Variants in L3MBTL3 observed in about 807,000 individuals in gnomAD.
The protein encoded by L3MBTL3 is L3MBTL histone methyl-lysine binding protein 3, also known as lethal(3)malignant brain tumor-like protein 3.
Under a neutral mutation model 102.3 loss-of-function variants are expected in L3MBTL3, and 27 were observed. That is an observed-to-expected ratio of 0.26 (90% CI 0.19 to 0.36). L3MBTL3 has a LOEUF of 0.36. Ranked by LOEUF, L3MBTL3 falls within the 10% of genes least tolerant of loss-of-function variation. The pLI is 1.00. For synonymous variants in L3MBTL3, 340 were observed against 320.9 expected (o/e 1.06, Z -0.64); for missense variants, 798 against 955.3 (o/e 0.84, Z 2.17).
chr6:130,037,547 T>C (rs1339680435), intron 2 of L3MBTL3, among the ~76,000 whole-genome samples: 1 of 152,196 alleles, frequency 6.6e-6, no homozygotes, highest in Non-Finnish European at 1.5e-5. Context: ...ATTTCTATTA[T>C]TGATTAGATT....
At chr6:130,113,203 C>T (rs765287854) in intron 19 of L3MBTL3, among the ~76,000 whole-genome samples, 8 of 152,124 alleles carry the variant, frequency 5.3e-5, no homozygotes, top group East Asian at 1.9e-4. Context: ...GCACTGCTCC[C>T]GGAGGTACTC....
At chr6:130,062,211 G>A (rs1458098296) in intron 10 of L3MBTL3, among the ~76,000 whole-genome samples, 4 of 152,146 alleles carry the variant, frequency 2.6e-5, no homozygotes, top group Non-Finnish European at 4.4e-5. Flanking sequence ...GTGTAAGAGT[G>A]CATATTAATA....
In L3MBTL3 at chr6:130,076,131, T is replaced by C. The variant is rs373163492; in HGVS notation, c.1245-2427T>C. Among the ~76,000 whole-genome samples the C allele has an allele frequency of 4.6e-5, 7 of 152,240 alleles. No homozygotes were observed. In the East Asian group the frequency reaches 5.8e-4, roughly 13 times the overall value. ...GGAGAGTTGGGTACTGAGTAATAAA[T>C]TGGTAGAGTCATCATGGTCTGTGTT... On this transcript the variant is annotated intron_variant, in intron 13 of 22. Coordinates refer to ENST00000361794, the MANE Select transcript of L3MBTL3 (RefSeq NM_032438.4).
intron 1 of L3MBTL3, among the ~76,000 whole-genome samples, chr6:130,019,816 C>T (rs1482497449): frequency 6.7e-6 from 1 of 149,324 alleles, no homozygotes; most frequent in African/African-American, 2.4e-5. Context: ...CAGGAAAGTG[C>T]TTTGGGAAGC....
intron 10 of L3MBTL3, among the ~76,000 whole-genome samples, chr6:130,062,129 A>T (rs1036858871): frequency 6.6e-6 from 1 of 152,122 alleles, no homozygotes; most frequent in Non-Finnish European, 1.5e-5. Flanking sequence ...GTTTTTGCAG[A>T]TTTATTTTAC....
chr6:130,047,834 T>G (rs1159163353), intron 3 of L3MBTL3, among the ~76,000 whole-genome samples: 1 of 152,222 alleles, frequency 6.6e-6, no homozygotes, highest in African/African-American at 2.4e-5. Context: ...TTTTAAAGAT[T>G]TCTTTTTCTA....
At chr6:130,127,635 A>C (rs1461786134) in intron 20 of L3MBTL3, among the ~76,000 whole-genome samples, 1 of 152,214 alleles carries the variant, frequency 6.6e-6, no homozygotes, top group African/African-American at 2.4e-5. Context: ...GAGGGATGAA[A>C]TAATGAAGTC....
chr6:130,108,531 C>A (rs1785143827), intron 19 of L3MBTL3, among the ~76,000 whole-genome samples: 1 of 151,890 alleles, frequency 6.6e-6, no homozygotes, highest in South Asian at 2.1e-4. Flanking sequence ...ATGTCCCCGG[C>A]CAAATGTTAG....
At position 130,086,167 on chromosome 6, in the gene L3MBTL3, A is replaced by G. The variant is rs952337081; in HGVS notation, c.1435A>G (p.Met479Val). The stretch of plus-strand genomic sequence containing the variant: ...ACCTCCTCATGGATTCCAGAAAAAA[A>G]TGAAGCTTGAGGTTGTAGACAAAAG... ...VKPPHGFQKK[M>V]KLEVVDKRNP... The change falls in exon 16 of 23, where the codon ATG (methionine) becomes GTG (valine). Residue 479 changes from methionine (M) to valine (V), a missense_variant. Met to Val is a conservative substitution (Grantham distance 21, BLOSUM62 1). Coordinates refer to ENST00000361794, the MANE Select transcript of L3MBTL3 (RefSeq NM_032438.4). 13 of 1,613,166 alleles carry G rather than the reference A, an allele frequency of 8.1e-6. No individual in the cohort carries two copies. In the Admixed American group the frequency reaches 8.4e-5, roughly 10 times the overall value.
intron 15 of L3MBTL3, among the ~76,000 whole-genome samples, 186 bp from the exon 16 acceptor site, chr6:130,085,954 T>C (rs1374579429): frequency 6.6e-6 from 1 of 152,116 alleles, no homozygotes; most frequent in Non-Finnish European, 1.5e-5. Context: ...GGTTCAGCCA[T>C]GTTGGCCAGG....
chr6:130,042,341 A>C (rs573522276), intron 2 of L3MBTL3, among the ~76,000 whole-genome samples: 1 of 152,328 alleles, frequency 6.6e-6, no homozygotes, highest in South Asian at 2.1e-4. Flanking sequence ...CAGAAAACAA[A>C]CTACTTACAG....
At chr6:130,065,778 T>C (rs1205535489) in intron 10 of L3MBTL3, among the ~76,000 whole-genome samples, 2 of 152,204 alleles carry the variant, frequency 1.3e-5, no homozygotes, top group African/African-American at 2.4e-5. Flanking sequence ...TGGGGCCCTG[T>C]AGGCATATGT....
At chr6:130,112,870 A>T (rs1785442256) in intron 19 of L3MBTL3, among the ~76,000 whole-genome samples, 1 of 152,172 alleles carries the variant, frequency 6.6e-6, no homozygotes, top group Non-Finnish European at 1.5e-5. Context: ...ATGCAATCCT[A>T]TCCCAGTGAT....
intron 16 of L3MBTL3, among the ~76,000 whole-genome samples, chr6:130,090,202 A>G (rs1007632673): frequency 1.3e-5 from 2 of 152,072 alleles, no homozygotes; most frequent in African/African-American, 4.8e-5. Context: ...AAGCACATAT[A>G]TATATATATA....
chr6:130,032,359 G>A (rs944317899), intron 2 of L3MBTL3, among the ~76,000 whole-genome samples: 1 of 152,190 alleles, frequency 6.6e-6, no homozygotes, highest in Non-Finnish European at 1.5e-5. Context: ...TGAGGCGGGA[G>A]GAGTGTTTGA....
chr6:130,077,694 A>C (rs1043116506), intron 13 of L3MBTL3, among the ~76,000 whole-genome samples: 1 of 152,230 alleles, frequency 6.6e-6, no homozygotes, highest in Admixed American at 6.5e-5. Flanking sequence ...TATTCCCTGG[A>C]AACTCCAGCC....
chr6:130,081,875 C>T (rs10080735), intron 14 of L3MBTL3, among the ~76,000 whole-genome samples: 9,698 of 152,216 alleles, frequency 0.064, 455 homozygotes, highest in Non-Finnish European at 0.1. Flanking sequence ...GCAAAAGGAT[C>T]TCAGTTGTCA....
At chr6:130,073,440 C>G (rs1475444174) in intron 13 of L3MBTL3, among the ~76,000 whole-genome samples, 1 of 152,014 alleles carries the variant, frequency 6.6e-6, no homozygotes, top group Non-Finnish European at 1.5e-5. Context: ...ATAAATAACG[C>G]TAAAACAATG....
At chr6:130,093,249 C>T (rs1471126307) in intron 17 of L3MBTL3, among the ~76,000 whole-genome samples, 4 of 152,066 alleles carry the variant, frequency 2.6e-5, no homozygotes, top group African/African-American at 7.2e-5. Flanking sequence ...TGAAGGAGAG[C>T]TCCTTATGTA....
Sources: allele counts gnomAD v4.1 joint callset (sites outside exome capture counted in the v4.1 genomes callset), GRCh38; gene constraint gnomAD v4.1.1; transcripts MANE v1.5; gene names NCBI Gene and HGNC (gene_info 2026-07-23, HGNC 2026-07-21).